Variants in CD274 observed in about 807,000 individuals in gnomAD.
CD274 encodes the protein CD274 molecule.
A neutral mutation model predicts 30.1 loss-of-function variants in CD274; 8 were observed. The ratio of observed to expected loss-of-function variants is 0.27; its 90% CI spans 0.16 to 0.48. CD274 has a LOEUF of 0.48. Among genes scored for constraint, CD274 ranks in the 20% least tolerant of loss-of-function variants. CD274 has a pLI of 0.99. For missense variants in CD274, 353 were observed against 346.6 expected (o/e 1.02, Z -0.15); for synonymous variants, 152 against 124.6 (o/e 1.22, Z -1.46).
In CD274 at chr9:5,469,859, G is replaced by A. The variant is rs1819561422; in HGVS notation, c.*1997G>A. 4.3e-6 allele frequency: 1 copy of A among 232,992 alleles called. No homozygotes were observed. Among genetic ancestry groups the A allele is most frequent in the Non-Finnish European group, 8.5e-6 (1 of 117,926 alleles). The allele number at this position is 232,992 out of a possible 1,614,324, so 14.4% of individuals were successfully genotyped here. On this transcript the variant is annotated 3_prime_UTR_variant, in exon 7 of 7. Coordinates refer to ENST00000381577, the MANE Select transcript of CD274 (RefSeq NM_014143.4). ...TATTAACTCTGTATGACAGAATCAT[G>A]TCTGGAACTTTTGTTTTCTGCTTTC...
chr9:5,461,771 C>G (rs1819408222), intron 3 of CD274, among the ~76,000 whole-genome samples: 1 of 152,124 alleles, frequency 6.6e-6, no homozygotes, highest in South Asian at 2.1e-4. Context: ...AACTACGTAT[C>G]TTAATCCTGA....
At chr9:5,467,728 A>G (rs1364456828) in intron 6 of CD274, 112 bp from the exon 7 acceptor site, 1 of 917,198 alleles carries the variant, frequency 1.1e-6, no homozygotes, top group South Asian at 1.3e-5. Context: ...TCTCATTTCA[A>G]ATTTATCATT....
At chr9:5,467,308 C>A (rs1819513602) in intron 6 of CD274, among the ~76,000 whole-genome samples, 1 of 152,102 alleles carries the variant, frequency 6.6e-6, no homozygotes, top group Non-Finnish European at 1.5e-5. Flanking sequence ...GAACACACAG[C>A]TGATCACAAA....
intron 5 of CD274, 61 bp from the exon 6 acceptor site, chr9:5,466,709 G>A: frequency 1.6e-6 from 2 of 1,233,260 alleles, no homozygotes; most frequent in Non-Finnish European, 1.2e-6. Context: ...TTAAACTTGG[G>A]TCACTGTATG....
chr9:5,455,851 G>C (rs768656867), intron 1 of CD274, among the ~76,000 whole-genome samples: 1 of 151,910 alleles, frequency 6.6e-6, no homozygotes, highest in Non-Finnish European at 1.5e-5. Context: ...TTTTTTTCAC[G>C]GCCTGTAACT....
chr9:5,454,996 A>G lies in CD274; in HGVS notation c.-14-1104A>G, dbSNP rs970801346. Among the ~76,000 whole-genome samples the G allele has an allele frequency of 2.0e-5, 3 of 151,954 alleles. No homozygotes were observed. The South Asian group carries it at 6.2e-4, about 31-fold the overall frequency. On this transcript the variant is annotated intron_variant, in intron 1 of 6. Transcript: ENST00000381577. ...TCCTCATGGGTTATGTGTAGTTTGTATAGTTGTCTTATTGATTGTTAGGAG... is the reference window on the plus strand; with the variant it reads ...TCCTCATGGGTTATGTGTAGTTTGTGTAGTTGTCTTATTGATTGTTAGGAG...
At chr9:5,450,622 T>C (rs1481159943) in intron 1 of CD274, 26 bp downstream of exon 1, 1 of 152,214 alleles carries the variant, frequency 6.6e-6, no homozygotes, top group Admixed American at 6.6e-5. Flanking sequence ...CCTCCGCGGG[T>C]GCCCACGGCC....
chr9:5,465,975 C>T (rs1819491931), intron 5 of CD274: 2 of 160,784 alleles, frequency 1.2e-5, no homozygotes, highest in Admixed American at 6.4e-5. Context: ...AAAATAGTTC[C>T]TCTGTAGAAC....
Position 5,457,382 on chromosome 9 carries a change from G to A in CD274, c.356G>A (p.Gly119Asp), listed in dbSNP as rs2131212809. 6.2e-7 allele frequency: 1 copy of A among 1,613,938 alleles called. No individual in the cohort carries two copies. Among genetic ancestry groups the A allele is most frequent in the South Asian group, 1.1e-5 (1 of 91,084 alleles). The change falls in exon 3 of 7, where the codon GGT (glycine) becomes GAT (aspartate). Residue 119 changes from glycine (G) to aspartate (D), a missense_variant. Transcript: ENST00000381577. ...GTGTACCGCTGCATGATCAGCTATG[G>A]TGGTGCCGACTACAAGCGAATTACT... ...AGVYRCMISY[G>D]GADYKRITVK...
At chr9:5,458,069 G>A (rs1178986486) in intron 3 of CD274, among the ~76,000 whole-genome samples, 1 of 152,202 alleles carries the variant, frequency 6.6e-6, no homozygotes, top group Non-Finnish European at 1.5e-5. Context: ...TATTCATCTT[G>A]AAAATCTATA....
rs369067104 is a variant in CD274 at position 5,467,935 on chromosome 9, G to A, written c.*73G>A. 272 of 1,333,650 alleles carry A rather than the reference G, an allele frequency of 2.0e-4. 2 individuals carry two copies. The highest frequency in any genetic ancestry group is 2.0e-3 in the South Asian group (173 of 85,184). 82.6% of individuals were successfully genotyped at this position (1,333,650 alleles called of 1,614,324 possible). On this transcript the variant is annotated 3_prime_UTR_variant, in exon 7 of 7. Coordinates refer to ENST00000381577, the MANE Select transcript of CD274 (RefSeq NM_014143.4). ...GTTTAGGGGTTCATCGGGGCTGAGC[G>A]TGACAAGAGGAAGGAATGGGCCCGT...
At chr9:5,465,040 T>C (rs903912023) in intron 4 of CD274, among the ~76,000 whole-genome samples, 4 of 150,604 alleles carry the variant, frequency 2.7e-5, no homozygotes, top group South Asian at 2.1e-4. Flanking sequence ...TGAGCCCAGA[T>C]TGCGCCACTG....
chr9:5,463,420 A>T (rs1303302408), intron 4 of CD274, among the ~76,000 whole-genome samples: 4 of 152,170 alleles, frequency 2.6e-5, no homozygotes, highest in Non-Finnish European at 5.9e-5. Flanking sequence ...ATAAAAAACT[A>T]AGAAACAAAC....
intron 1 of CD274, among the ~76,000 whole-genome samples, chr9:5,451,554 T>C (rs1057365149): frequency 6.6e-6 from 1 of 152,226 alleles, no homozygotes; most frequent in African/African-American, 2.4e-5. Context: ...CAGTTGACAA[T>C]GACAGTCGTC....
chr9:5,457,713 C>T (rs1037636684), intron 3 of CD274, among the ~76,000 whole-genome samples: 2 of 152,186 alleles, frequency 1.3e-5, no homozygotes, highest in African/African-American at 4.8e-5. Flanking sequence ...AATACGTATA[C>T]TTGCAAATAA....
At chr9:5,455,076 T>A (rs546262237) in intron 1 of CD274, among the ~76,000 whole-genome samples, 2 of 152,248 alleles carry the variant, frequency 1.3e-5, no homozygotes, top group Non-Finnish European at 2.9e-5. Flanking sequence ...TGGCATCGAT[T>A]AGTTGATCAT....
chr9:5,463,707 G>A (rs145380740), intron 4 of CD274, among the ~76,000 whole-genome samples: 1 of 152,318 alleles, frequency 6.6e-6, no homozygotes, highest in African/African-American at 2.4e-5. Context: ...ACATGAGGCT[G>A]TGTGTCCCTG....
At chr9:5,454,144 C>A (rs923699674) in intron 1 of CD274, among the ~76,000 whole-genome samples, 2 of 152,138 alleles carry the variant, frequency 1.3e-5, no homozygotes, top group Non-Finnish European at 1.5e-5. Context: ...GCTAAACATT[C>A]TACGGTTTGG....
chr9:5,466,258 A>G (rs536359917), intron 5 of CD274, among the ~76,000 whole-genome samples: 1 of 152,276 alleles, frequency 6.6e-6, no homozygotes, highest in South Asian at 2.1e-4. Context: ...GTCGTTGAAA[A>G]ATTCCCCATA....
Sources: gnomAD v4.1 joint callset for allele counts (sites outside exome capture counted in the v4.1 genomes callset) on GRCh38, gnomAD v4.1.1 for gene constraint, MANE v1.5 for transcripts, NCBI Gene and HGNC (gene_info 2026-07-23, HGNC 2026-07-21) for gene names.